PARD3B: variants seen among roughly 807,000 people sequenced by gnomAD.
PARD3B encodes par-3 family cell polarity regulator beta.
In PARD3B, 103 loss-of-function variants were observed where a neutral mutation model predicts 130.2. The ratio of observed to expected loss-of-function variants is 0.79; its 90% CI spans 0.67 to 0.93. PARD3B has a LOEUF of 0.93. Ranked by LOEUF, PARD3B falls within the 40% of genes least tolerant of loss-of-function variation. The probability of loss-of-function intolerance (pLI) is 0.00; values close to 1 mark genes in which losing one functional copy is unlikely to be tolerated. For missense variants in PARD3B, 1,609 were observed against 1,499.2 expected (o/e 1.07, Z -1.21); for synonymous variants, 583 against 553.2 (o/e 1.05, Z -0.76).
intron 3 of PARD3B, among the ~76,000 whole-genome samples, chr2:204,971,223 G>T (rs1025198571): frequency 2.0e-5 from 3 of 152,150 alleles, no homozygotes; most frequent in Admixed American, 2.0e-4. Flanking sequence ...GAAAGGGGAA[G>T]TTTATTCCTT....
chr2:204,756,595 G>A (rs144422100), intron 2 of PARD3B, among the ~76,000 whole-genome samples: 153 of 152,212 alleles, frequency 1.0e-3, no homozygotes, highest in African/African-American at 3.5e-3. Context: ...GTAGACATAA[G>A]GGAGAAGTCT....
At chr2:205,245,288 C>T (rs1464842059) in intron 15 of PARD3B, among the ~76,000 whole-genome samples, 1 of 152,136 alleles carries the variant, frequency 6.6e-6, no homozygotes, top group Non-Finnish European at 1.5e-5. Context: ...GCCATTGTTT[C>T]TTGTTTTGTC....
intron 2 of PARD3B, among the ~76,000 whole-genome samples, chr2:204,772,421 A>G (rs1361737651): frequency 2.0e-5 from 3 of 152,096 alleles, no homozygotes; most frequent in African/African-American, 7.2e-5. Flanking sequence ...TACAACTGCA[A>G]TTGATCCCAA....
chr2:205,498,575 G>A (rs1357766162), intron 20 of PARD3B, among the ~76,000 whole-genome samples: 1 of 152,158 alleles, frequency 6.6e-6, no homozygotes, highest in Non-Finnish European at 1.5e-5. Context: ...AGAGTGGAAA[G>A]GGAACATACA....
intron 22 of PARD3B, among the ~76,000 whole-genome samples, chr2:205,597,848 A>C (rs2054626725): frequency 6.6e-6 from 1 of 152,212 alleles, no homozygotes; most frequent in Admixed American, 6.6e-5. Flanking sequence ...AAAGAAAAGA[A>C]ATTCCAACCA....
chr2:205,140,889 TAC>T (rs991270905), intron 10 of PARD3B, among the ~76,000 whole-genome samples: 1 of 152,218 alleles, frequency 6.6e-6, no homozygotes, highest in Non-Finnish European at 1.5e-5. Context: ...CATCTGAACA[TAC>T]AGTCTTCATT....
At chr2:205,135,185 A>G (rs2032374545) in intron 10 of PARD3B, among the ~76,000 whole-genome samples, 1 of 152,208 alleles carries the variant, frequency 6.6e-6, no homozygotes. Flanking sequence ...TCATCCAGTT[A>G]GCCAAATGTT....
chr2:205,439,237 A>T (rs2106156010), intron 19 of PARD3B, among the ~76,000 whole-genome samples: 1 of 152,166 alleles, frequency 6.6e-6, no homozygotes, highest in East Asian at 1.9e-4. Flanking sequence ...TCATATACAG[A>T]TCATTCACTT....
At chr2:205,587,170 T>A (rs1167579924) in intron 22 of PARD3B, among the ~76,000 whole-genome samples, 1 of 152,188 alleles carries the variant, frequency 6.6e-6, no homozygotes, top group Non-Finnish European at 1.5e-5. Flanking sequence ...AAATCATAGG[T>A]CTCAAAGAGC....
rs2044036794 is a variant in PARD3B, at chr2:205,352,649, G to A, written c.2631-48364G>A. Among the ~76,000 whole-genome samples the A allele has an allele frequency of 6.6e-6, 1 of 152,172 alleles. No individual in the cohort carries two copies. Among genetic ancestry groups the A allele is most frequent in the Admixed American group, 6.5e-5 (1 of 15,286 alleles). The stretch of plus-strand genomic sequence containing the variant: ...AGGCATCAAATGAAGCTCTTTTGAT[G>A]TGAGGTGTTGGAGATAAACAGGTAG... On this transcript the variant is annotated intron_variant, in intron 18 of 22. Transcript: ENST00000406610. The surrounding 1 kb of genome is among the most constrained non-coding windows in gnomAD (Gnocchi z 5.2).
chr2:204,884,750 C>T (rs1411389608), intron 2 of PARD3B, among the ~76,000 whole-genome samples: 2 of 152,138 alleles, frequency 1.3e-5, no homozygotes, highest in Non-Finnish European at 2.9e-5. Context: ...GGTTGCTAGC[C>T]ACCTAGTTTG....
chr2:204,998,001 A>G (rs963580486), intron 3 of PARD3B, among the ~76,000 whole-genome samples: 4 of 149,822 alleles, frequency 2.7e-5, no homozygotes, highest in African/African-American at 7.3e-5. Flanking sequence ...TATAATCAAT[A>G]TTGAAAAGTT....
chr2:205,018,028 T>C (rs1452629229), intron 3 of PARD3B, among the ~76,000 whole-genome samples: 1 of 152,214 alleles, frequency 6.6e-6, no homozygotes, highest in Non-Finnish European at 1.5e-5. Flanking sequence ...TGTAAACATA[T>C]GCTGTTGCCA....
At chr2:204,952,359 A>C (rs1278613073) in intron 2 of PARD3B, among the ~76,000 whole-genome samples, 3 of 152,210 alleles carry the variant, frequency 2.0e-5, no homozygotes, top group African/African-American at 7.2e-5. Context: ...CTCTTAAGGG[A>C]CTATCAAAGT....
chr2:204,920,336 A>C (rs1183576309), intron 2 of PARD3B, among the ~76,000 whole-genome samples: 1 of 152,180 alleles, frequency 6.6e-6, no homozygotes, highest in African/African-American at 2.4e-5. Context: ...AGAAGATTCC[A>C]ATCGGATTTT....
At chr2:204,937,818 A>T (rs543642069) in intron 2 of PARD3B, among the ~76,000 whole-genome samples, 1 of 152,266 alleles carries the variant, frequency 6.6e-6, no homozygotes, top group South Asian at 2.1e-4. Context: ...AATCCTGGGT[A>T]CCCAAGTAAA....
At chr2:205,573,246 G>A (rs569218649) in intron 22 of PARD3B, among the ~76,000 whole-genome samples, 2 of 152,224 alleles carry the variant, frequency 1.3e-5, no homozygotes, top group African/African-American at 4.8e-5. Context: ...AGGGCAGGAA[G>A]GGAAGAGAGG....
chr2:205,554,158 C>T (rs2052775371), intron 22 of PARD3B, among the ~76,000 whole-genome samples: 1 of 152,134 alleles, frequency 6.6e-6, no homozygotes, highest in Non-Finnish European at 1.5e-5. Context: ...TTAATGCATC[C>T]AAAAGAGAAA....
intron 21 of PARD3B, among the ~76,000 whole-genome samples, chr2:205,512,689 G>A (rs1268048337): frequency 6.6e-6 from 1 of 152,124 alleles, no homozygotes; most frequent in Non-Finnish European, 1.5e-5. Context: ...AACTTGTTTG[G>A]TGTATGTGTG....
Sources: allele counts gnomAD v4.1 joint callset (sites outside exome capture counted in the v4.1 genomes callset), GRCh38; gene constraint gnomAD v4.1.1; non-coding constraint Gnocchi (gnomAD v3.1); transcripts MANE v1.5; gene names NCBI Gene and HGNC (gene_info 2026-07-23, HGNC 2026-07-21).